ADGRB3: variants seen among roughly 807,000 people sequenced by gnomAD.
ADGRB3 encodes the protein brain-specific angiogenesis inhibitor 3.
A neutral mutation model predicts 193.4 loss-of-function variants in ADGRB3; 37 were observed. The observed-to-expected ratio is 0.19, with a 90% CI of 0.15 to 0.25. The LOEUF is 0.25. ADGRB3 is among the 10% of genes least tolerant of loss of function. The probability of loss-of-function intolerance (pLI) is 1.00; values close to 1 mark genes in which losing one functional copy is unlikely to be tolerated. For synonymous variants in ADGRB3, 690 were observed against 644.2 expected, an observed-to-expected ratio of 1.07 and a Z score of -1.08; for missense variants, 1,637 against 1,852.9, an observed-to-expected ratio of 0.88 and a Z score of 2.14.
chr6:68,770,577 C>T (rs925923853), intron 3 of ADGRB3, among the ~76,000 whole-genome samples: 1 of 152,132 alleles, frequency 6.6e-6, no homozygotes, highest in African/African-American at 2.4e-5. Flanking sequence ...TACTTATACT[C>T]TGTTCTTTCT....
intron 3 of ADGRB3, among the ~76,000 whole-genome samples, chr6:68,874,285 CAT>C (rs1765531817): frequency 6.6e-6 from 1 of 152,076 alleles, no homozygotes; most frequent in African/African-American, 2.4e-5. Context: ...TGGGAAATAA[CAT>C]GTTATGACCT....
At chr6:69,029,243 G>A (rs1358856882) in intron 13 of ADGRB3, among the ~76,000 whole-genome samples, 3 of 152,082 alleles carry the variant, frequency 2.0e-5, no homozygotes, top group Middle Eastern at 3.4e-3. Context: ...GTTTTCTTTT[G>A]TGCTAATATT....
intron 29 of ADGRB3, 42 bp downstream of exon 29, chr6:69,361,554 A>G (rs765101933): frequency 6.4e-7 from 1 of 1,559,626 alleles, no homozygotes; most frequent in Non-Finnish European, 8.7e-7. Context: ...TAGTTGAAAT[A>G]TGAATAGATA....
intron 3 of ADGRB3, among the ~76,000 whole-genome samples, chr6:68,711,413 A>C (rs572792565): frequency 4.9e-4 from 75 of 152,254 alleles, no homozygotes; most frequent in African/African-American, 1.7e-3. Context: ...AACTTAGCAA[A>C]TGTTGAGAAT....
chr6:68,772,156 A>C (rs551229208), intron 3 of ADGRB3, among the ~76,000 whole-genome samples: 58 of 152,066 alleles, frequency 3.8e-4, no homozygotes, highest in Non-Finnish European at 7.4e-4. Context: ...GTGAGATTGA[A>C]ATGGAGAAGA....
intron 25 of ADGRB3, 143 bp downstream of exon 25, chr6:69,339,157 G>A (rs1033927330): frequency 2.8e-6 from 3 of 1,085,222 alleles, no homozygotes; most frequent in African/African-American, 3.2e-5. Flanking sequence ...TGTCTTTATA[G>A]CTATTGTGGG....
intron 17 of ADGRB3, chr6:69,233,012 T>C: frequency 2.2e-6 from 1 of 456,728 alleles, no homozygotes; most frequent in Non-Finnish European, 3.9e-6. Context: ...CTGCTGTTCC[T>C]CGCATAGGGC....
At chr6:68,681,378 C>G (rs1211443910) in intron 3 of ADGRB3, among the ~76,000 whole-genome samples, 1 of 152,102 alleles carries the variant, frequency 6.6e-6, no homozygotes, top group Non-Finnish European at 1.5e-5. Context: ...AGGTTGGGCT[C>G]AAGTGATTCT....
chr6:68,901,029 C>T (rs571687877), intron 3 of ADGRB3, among the ~76,000 whole-genome samples: 7 of 152,220 alleles, frequency 4.6e-5, no homozygotes, highest in Admixed American at 2.6e-4. Flanking sequence ...ACCATGAGCC[C>T]TACTTCTTTT....
intron 20 of ADGRB3, among the ~76,000 whole-genome samples, chr6:69,245,701 A>C (rs1300099207): frequency 6.6e-6 from 1 of 151,976 alleles, no homozygotes; most frequent in Non-Finnish European, 1.5e-5. Flanking sequence ...TCATTCTCTG[A>C]CACTCTGATG....
intron 11 of ADGRB3, among the ~76,000 whole-genome samples, chr6:69,007,666 ATCTCTCTCTCTC>A (rs754438943): frequency 7.1e-6 from 1 of 140,630 alleles, no homozygotes; most frequent in Non-Finnish European, 1.5e-5. Context: ...ATCTAAAGTA[ATCTCTCTCTCTC>A]TCTCTCTCTC....
intron 3 of ADGRB3, among the ~76,000 whole-genome samples, chr6:68,848,379 C>T (rs919374102): frequency 1.3e-5 from 2 of 151,970 alleles, no homozygotes; most frequent in Non-Finnish European, 2.9e-5. Context: ...AATCTTTGCT[C>T]TTAAGAAATG....
At chr6:68,652,066 C>T (rs559510970) in intron 3 of ADGRB3, among the ~76,000 whole-genome samples, 1 of 152,086 alleles carries the variant, frequency 6.6e-6, no homozygotes, top group Non-Finnish European at 1.5e-5. Context: ...CTCTTCCCCA[C>T]ACAACCCAAT....
At chr6:68,734,882 T>G (rs1163328256) in intron 3 of ADGRB3, among the ~76,000 whole-genome samples, 1 of 152,062 alleles carries the variant, frequency 6.6e-6, no homozygotes, top group Non-Finnish European at 1.5e-5. Flanking sequence ...TGAGGTCATC[T>G]GAAAGGACCT....
At chr6:68,942,276 G>A (rs967290663) in intron 5 of ADGRB3, among the ~76,000 whole-genome samples, 5 of 151,984 alleles carry the variant, frequency 3.3e-5, no homozygotes, top group Non-Finnish European at 5.9e-5. Context: ...ATTTACTTGC[G>A]TATTTCATCT....
intron 17 of ADGRB3, among the ~76,000 whole-genome samples, chr6:69,202,850 A>C (rs1416885077): frequency 6.6e-6 from 1 of 152,158 alleles, no homozygotes; most frequent in Admixed American, 6.6e-5. Flanking sequence ...ATTCCACAGA[A>C]GCCTGAGGAG....
At chr6:68,703,444 T>C (rs1034080374) in intron 3 of ADGRB3, among the ~76,000 whole-genome samples, 2 of 152,114 alleles carry the variant, frequency 1.3e-5, no homozygotes, top group African/African-American at 4.8e-5. Context: ...AATTTAACTA[T>C]ATATATGTTT....
chr6:69,005,528 T>A lies in ADGRB3; in HGVS notation c.1930-8510T>A, dbSNP rs1406031024. ...AGTCAGAGCTATAAGAAGTCTTTTT[T>A]AAAATGTGTTCTTAAAGACTTTTTT... On this transcript the variant is annotated intron_variant, in intron 11 of 31. Coordinates refer to ENST00000370598, the MANE Select transcript of ADGRB3 (RefSeq NM_001704.3). Among the ~76,000 whole-genome samples, 3 of 152,206 alleles carry A rather than the reference T, an allele frequency of 2.0e-5. No individual in the cohort carries two copies. In the South Asian group the frequency reaches 6.2e-4, roughly 31 times the overall value.
Position 69,049,822 on chromosome 6 carries a change from T to TA in ADGRB3, c.2333+482dup, listed in dbSNP as rs1416807694. On this transcript the variant is annotated intron_variant, in intron 15 of 31. Transcript: ENST00000370598. ...ATTTTCAATTACAGTTACATTTTTT[T>TA]AAAAAATGCTGCTGTTTATTTAGAG... is the stretch of plus-strand genomic sequence containing the variant. 8.5e-5 allele frequency among the ~76,000 whole-genome samples: 13 copies of TA among 152,286 alleles called. No individual in the cohort carries two copies. In the East Asian group the frequency reaches 1.4e-3, roughly 16 times the overall value.
Sources: gnomAD v4.1 joint callset for allele counts (sites outside exome capture counted in the v4.1 genomes callset) on GRCh38, gnomAD v4.1.1 for gene constraint, MANE v1.5 for transcripts, NCBI Gene and HGNC (gene_info 2026-07-23, HGNC 2026-07-21) for gene names.